PTPRR: variants seen among roughly 807,000 people sequenced by gnomAD.
The protein encoded by PTPRR is protein tyrosine phosphatase receptor type R.
In PTPRR, 38 loss-of-function variants were observed where a neutral mutation model predicts 77.2. The observed-to-expected ratio is 0.49, with a 90% CI of 0.38 to 0.65. The LOEUF is 0.65. Among genes scored for constraint, PTPRR ranks in the 30% least tolerant of loss-of-function variants. The pLI is 0.00. For missense variants in PTPRR, 744 were observed against 799.2 expected (o/e 0.93, Z 0.83); for synonymous variants, 299 against 283.1 (o/e 1.06, Z -0.57).
At chr12:70,686,253 G>A (rs1377280607) in intron 8 of PTPRR, among the ~76,000 whole-genome samples, 2 of 152,140 alleles carry the variant, frequency 1.3e-5, no homozygotes, top group Non-Finnish European at 2.9e-5. Context: ...CAAAGAGGAG[G>A]TGAGGTAGGA....
chr12:70,712,289 G>T (rs1888854147), intron 6 of PTPRR, among the ~76,000 whole-genome samples: 1 of 152,012 alleles, frequency 6.6e-6, no homozygotes, highest in Non-Finnish European at 1.5e-5. Context: ...ATTCTTGCCA[G>T]TATAAATACA....
intron 2 of PTPRR, among the ~76,000 whole-genome samples, chr12:70,772,454 G>T (rs747056830): frequency 6.6e-6 from 1 of 152,090 alleles, no homozygotes; most frequent in South Asian, 2.1e-4. Flanking sequence ...TTACCTGCAA[G>T]TATATTCTCT....
chr12:70,876,294 T>A (rs966136571), intron 2 of PTPRR, among the ~76,000 whole-genome samples: 1 of 152,090 alleles, frequency 6.6e-6, no homozygotes, highest in Non-Finnish European at 1.5e-5. Flanking sequence ...TACATAGACA[T>A]GTTCCTCTTT....
chr12:70,879,536 G>A (rs1893112903), intron 2 of PTPRR, among the ~76,000 whole-genome samples: 1 of 152,186 alleles, frequency 6.6e-6, no homozygotes, highest in Non-Finnish European at 1.5e-5. Flanking sequence ...GCCTCAAGCT[G>A]CTCACATTAG....
At chr12:70,685,107 C>T (rs1011343588) in intron 8 of PTPRR, among the ~76,000 whole-genome samples, 2 of 152,130 alleles carry the variant, frequency 1.3e-5, no homozygotes, top group African/African-American at 4.8e-5. Flanking sequence ...TACCAGGTCT[C>T]CTCACTCCCA....
intron 2 of PTPRR, among the ~76,000 whole-genome samples, chr12:70,827,263 T>C (rs1363296204): frequency 2.0e-5 from 3 of 152,238 alleles, no homozygotes; most frequent in Non-Finnish European, 4.4e-5. Context: ...GGATAGTGTC[T>C]AGCACATAGC....
At chr12:70,647,295 C>T (rs926401935) in intron 13 of PTPRR, among the ~76,000 whole-genome samples, 3 of 152,142 alleles carry the variant, frequency 2.0e-5, no homozygotes, top group Non-Finnish European at 4.4e-5. Flanking sequence ...AAAAGGAAAA[C>T]GATGAGGAAA....
At chr12:70,664,953 A>G (rs10879178) in intron 10 of PTPRR, among the ~76,000 whole-genome samples, 23,835 of 152,206 alleles carry the variant, frequency 0.16, 2,258 homozygotes, top group African/African-American at 0.27. Flanking sequence ...TTCTAAGAGT[A>G]CAAGTTCATG....
chr12:70,665,364 C>CTTTTTTTTTTTTTTTTTTT (rs72472808), intron 10 of PTPRR, among the ~76,000 whole-genome samples: 6 of 44,604 alleles, frequency 1.3e-4, no homozygotes, highest in Non-Finnish European at 1.8e-4. Context: ...AATGCAAATT[C>CTTTTTTTTTTTTTTTTTTT]TTTTTTTTTT....
chr12:70,648,551 G>A (rs1425239450), intron 13 of PTPRR, among the ~76,000 whole-genome samples: 1 of 152,110 alleles, frequency 6.6e-6, no homozygotes, highest in African/African-American at 2.4e-5. Flanking sequence ...AGATATTTCT[G>A]GTTTTTATAC....
chr12:70,756,723 T>C lies in PTPRR; in HGVS notation c.628-2422A>G, dbSNP rs75202431. On this transcript the variant is annotated intron_variant, in intron 4 of 13. Coordinates refer to ENST00000283228, the MANE Select transcript of PTPRR (RefSeq NM_002849.4). ...TGTATAGTTAACAATGGCTTCTCTA[T>C]ATCCTGTTTAATAATTTGATGCACT... Among the ~76,000 whole-genome samples, 145 of 152,324 alleles carry C rather than the reference T, an allele frequency of 9.5e-4. 1 individual carries two copies. The highest frequency in any genetic ancestry group is 3.4e-3 in the African/African-American group (141 of 41,592).
intron 10 of PTPRR, among the ~76,000 whole-genome samples, chr12:70,670,477 C>T (rs185485660): frequency 3.6e-3 from 552 of 152,286 alleles, no homozygotes; most frequent in Non-Finnish European, 6.0e-3. Context: ...GTAAAACCTA[C>T]TTTGTAGAGT....
chr12:70,767,135 T>C (rs141027998), intron 2 of PTPRR, among the ~76,000 whole-genome samples: 3,338 of 151,770 alleles, frequency 0.022, 77 homozygotes, highest in East Asian at 0.11. Flanking sequence ...GCTAACATCA[T>C]AATGACAGGA....
intron 2 of PTPRR, among the ~76,000 whole-genome samples, chr12:70,862,340 C>T (rs1233237570): frequency 2.6e-5 from 4 of 151,864 alleles, no homozygotes; most frequent in Admixed American, 6.6e-5. Flanking sequence ...AAGTGGTCAA[C>T]GATTGCTAGA....
chr12:70,840,674 G>T (rs570824295), intron 2 of PTPRR, among the ~76,000 whole-genome samples: 19 of 152,238 alleles, frequency 1.2e-4, no homozygotes, highest in African/African-American at 4.6e-4. Context: ...GGTTAAAAAT[G>T]AATCATCTTA....
chr12:70,715,603 C>T (rs1178281791), intron 6 of PTPRR, among the ~76,000 whole-genome samples: 1 of 152,180 alleles, frequency 6.6e-6, no homozygotes, highest in Admixed American at 6.5e-5. Flanking sequence ...GAGACCCACC[C>T]CCAGGCGCGT....
chr12:70,858,953 CCTT>C (rs10565104), intron 2 of PTPRR, among the ~76,000 whole-genome samples: 6,158 of 118,826 alleles, frequency 0.052, 431 homozygotes, highest in African/African-American at 0.15. Context: ...AGCATTTCGC[CCTT>C]TTTTTTTTTT....
intron 2 of PTPRR, among the ~76,000 whole-genome samples, chr12:70,822,096 G>GCATTTAA (rs776620785): frequency 7.9e-5 from 12 of 152,210 alleles, no homozygotes; most frequent in South Asian, 2.1e-4. Context: ...TATTTAATAA[G>GCATTTAA]CATTTAATGA....
At chr12:70,770,844 G>T (rs1381679518) in intron 2 of PTPRR, among the ~76,000 whole-genome samples, 2 of 151,932 alleles carry the variant, frequency 1.3e-5, no homozygotes, top group African/African-American at 4.8e-5. Context: ...ATGAGTTCAT[G>T]TCCTTTGTAG....
Sources: gnomAD v4.1 joint callset for allele counts (sites outside exome capture counted in the v4.1 genomes callset) on GRCh38, gnomAD v4.1.1 for gene constraint, MANE v1.5 for transcripts, NCBI Gene and HGNC (gene_info 2026-07-23, HGNC 2026-07-21) for gene names.